The following AP3B1 variants were observed in gnomAD, a reference collection of about 807,000 sequenced individuals.
AP3B1 encodes adaptor related protein complex 3 subunit beta 1.
In AP3B1, 61 loss-of-function variants were observed where a neutral mutation model predicts 132.5. The observed-to-expected ratio is 0.46, with a 90% CI of 0.37 to 0.57. The LOEUF (loss-of-function observed/expected upper bound fraction) is 0.57. Among genes scored for constraint, AP3B1 ranks in the 20% least tolerant of loss-of-function variants. The pLI is 0.00. For synonymous variants in AP3B1, 388 were observed against 438.3 expected, an observed-to-expected ratio of 0.89 and a Z score of 1.43; for missense variants, 1,120 against 1,289.4, an observed-to-expected ratio of 0.87 and a Z score of 2.01.
In AP3B1 at chr5:78,181,577, T is replaced by G; in HGVS notation, c.872A>C (p.Tyr291Ser). ...KEKTDKKKKPYTMDPDHRLLI... is the reference protein window; with the variant it reads ...KEKTDKKKKPSTMDPDHRLLI... ...GAGTCTATGATCTGGATCCATAGTA[T>G]ACGGCTTCTTCTTTTTGTCAGTCTT... Residue 291 changes from tyrosine to serine, a missense_variant, in exon 8 of 27, where the codon TAT becomes TCT. Tyr to Ser is a moderately radical substitution (Grantham distance 144, BLOSUM62 -2). Transcript: ENST00000255194. 1 of 1,612,854 alleles carries G rather than the reference T, an allele frequency of 6.2e-7. No individual in the cohort carries two copies. The highest frequency in any genetic ancestry group is 1.3e-5 in the African/African-American group (1 of 75,000).
chr5:78,167,246 C>T (rs1743674254), intron 11 of AP3B1, among the ~76,000 whole-genome samples: 1 of 152,138 alleles, frequency 6.6e-6, no homozygotes, highest in African/African-American at 2.4e-5. Context: ...AAATGCTCAA[C>T]ATCACTACTT....
At chr5:78,181,841 T>C (rs1744385881) in intron 7 of AP3B1, among the ~76,000 whole-genome samples, 179 bp from the exon 8 acceptor site, 1 of 152,192 alleles carries the variant, frequency 6.6e-6, no homozygotes, top group Non-Finnish European at 1.5e-5. Context: ...TTGATTTTTC[T>C]CATATTTTAT....
intron 22 of AP3B1, among the ~76,000 whole-genome samples, chr5:78,059,110 G>A (rs1035347893): frequency 6.6e-6 from 1 of 152,146 alleles, no homozygotes; most frequent in African/African-American, 2.4e-5. Flanking sequence ...TTTCTGGGAG[G>A]GCCCAAGTAA....
intron 6 of AP3B1, among the ~76,000 whole-genome samples, chr5:78,223,777 C>T (rs999045474): frequency 6.6e-6 from 1 of 152,118 alleles, no homozygotes; most frequent in African/African-American, 2.4e-5. Flanking sequence ...GCCTAAAACT[C>T]ATAAAGAATT....
chr5:78,177,049 C>T (rs1043937119), intron 9 of AP3B1, among the ~76,000 whole-genome samples: 12 of 152,106 alleles, frequency 7.9e-5, no homozygotes, highest in African/African-American at 2.2e-4. Flanking sequence ...TATTGCCATA[C>T]CTAAAAATTT....
intron 19 of AP3B1, among the ~76,000 whole-genome samples, chr5:78,111,860 C>T (rs1751606532): frequency 6.6e-6 from 1 of 152,006 alleles, no homozygotes; most frequent in African/African-American, 2.4e-5. Flanking sequence ...ATCCCATTTA[C>T]AATAATGAAA....
chr5:78,221,434 G>A (rs1746173446), intron 6 of AP3B1, among the ~76,000 whole-genome samples: 1 of 151,884 alleles, frequency 6.6e-6, no homozygotes, highest in South Asian at 2.1e-4. Flanking sequence ...TTGAAGATAG[G>A]AAATATAAAT....
chr5:78,066,242 C>T (rs1377930134), intron 22 of AP3B1, among the ~76,000 whole-genome samples: 2 of 152,184 alleles, frequency 1.3e-5, no homozygotes, highest in African/African-American at 2.4e-5. Context: ...ACTCAAAAAG[C>T]CAGAGTGCCT....
intron 22 of AP3B1, among the ~76,000 whole-genome samples, chr5:78,067,953 GA>G (rs113086510): frequency 3.1e-4 from 44 of 141,694 alleles, no homozygotes; most frequent in Admixed American, 4.9e-4. Context: ...AAAACCCTTC[GA>G]AAAAAAAAAA....
intron 22 of AP3B1, among the ~76,000 whole-genome samples, chr5:78,077,290 G>T (rs1351208181): frequency 6.6e-6 from 1 of 152,042 alleles, no homozygotes; most frequent in Non-Finnish European, 1.5e-5. Flanking sequence ...TTATCTTTAT[G>T]GTAGCTAAGT....
In AP3B1 at chr5:78,003,041, G is replaced by C; in HGVS notation, c.3146C>G (p.Thr1049Ser). 1.2e-6 allele frequency: 2 copies of C among 1,614,178 alleles called. No individual in the cohort carries two copies. The highest frequency in any genetic ancestry group is 1.7e-6 in the Non-Finnish European group (2 of 1,180,014). Residue 1049 changes from threonine (T) to serine (S), a missense_variant, in exon 27 of 27, where the codon ACT becomes AGT. By Grantham distance (58) the Thr-to-Ser change is moderately conservative. This residue lies in a region of AP3B1 where 906 missense variants were observed against 997.1 expected (regional missense o/e 0.91). Coordinates refer to ENST00000255194, the MANE Select transcript of AP3B1 (RefSeq NM_003664.5). ...TAGCATCAATGACCCACTGTGCACA[G>C]TTTTAGCTGCAAACCTGGAAGAGAA... The part of the protein sequence containing the change: ...QDNIHRFAAK[T>S]VHSGSLMLVT...
chr5:78,239,430 C>T (rs1747019614), intron 3 of AP3B1, among the ~76,000 whole-genome samples: 1 of 147,838 alleles, frequency 6.8e-6, no homozygotes, highest in Non-Finnish European at 1.5e-5. Context: ...ACGATCATGC[C>T]ACTGCACTCC....
intron 7 of AP3B1, among the ~76,000 whole-genome samples, chr5:78,210,784 T>C (rs912629226): frequency 6.6e-6 from 1 of 152,154 alleles, no homozygotes; most frequent in African/African-American, 2.4e-5. Context: ...CTAACAGATG[T>C]TGGTTTTTAT....
chr5:78,274,527 A>G (rs1748689307), intron 1 of AP3B1, among the ~76,000 whole-genome samples: 2 of 152,104 alleles, frequency 1.3e-5, no homozygotes, highest in South Asian at 4.1e-4. Flanking sequence ...ACATAAACCC[A>G]CATATTTAAA....
intron 1 of AP3B1, among the ~76,000 whole-genome samples, chr5:78,292,256 A>T (rs188530808): frequency 2.0e-5 from 3 of 152,332 alleles, no homozygotes; most frequent in Non-Finnish European, 4.4e-5. Flanking sequence ...TGTGGACTCA[A>T]GAGAGATTTA....
At chr5:78,104,814 A>T (rs1751268570) in intron 20 of AP3B1, among the ~76,000 whole-genome samples, 1 of 152,178 alleles carries the variant, frequency 6.6e-6, no homozygotes, top group Non-Finnish European at 1.5e-5. Context: ...TCGTTAGAGC[A>T]CCTAAGAGAT....
chr5:78,121,552 G>A (rs942268336), intron 17 of AP3B1, among the ~76,000 whole-genome samples: 2 of 152,176 alleles, frequency 1.3e-5, no homozygotes, highest in Admixed American at 6.5e-5. Context: ...TACCATCAGA[G>A]AACACTACAA....
chr5:78,271,239 C>T (rs987889309), intron 1 of AP3B1, among the ~76,000 whole-genome samples: 2 of 151,944 alleles, frequency 1.3e-5, no homozygotes, highest in Non-Finnish European at 2.9e-5. Context: ...CTGACCAACA[C>T]GAAGAAACCC....
At chr5:78,294,041 T>A (rs1176240587) in intron 1 of AP3B1, among the ~76,000 whole-genome samples, 1 of 152,000 alleles carries the variant, frequency 6.6e-6, no homozygotes, top group Non-Finnish European at 1.5e-5. Context: ...ACACTCGCAC[T>A]CTCACCTTCA....
Sources: gnomAD v4.1 joint callset for allele counts (sites outside exome capture counted in the v4.1 genomes callset) on GRCh38, gnomAD v4.1.1 for gene constraint, gnomAD v4.1.1 regional missense constraint, MANE v1.5 for transcripts, NCBI Gene and HGNC (gene_info 2026-07-23, HGNC 2026-07-21) for gene names.